USP20: variants seen among roughly 807,000 people sequenced by gnomAD.
The protein encoded by USP20 is ubiquitin carboxyl-terminal hydrolase 20.
In USP20, 80 loss-of-function variants were observed where a neutral mutation model predicts 124.2. The observed-to-expected ratio is 0.64, with a 90% CI of 0.54 to 0.78. USP20 has a LOEUF of 0.78. USP20 is among the 30% of genes least tolerant of loss of function. The pLI is 0.00. For missense variants in USP20, 1,043 were observed against 1,244.4 expected (o/e 0.84, Z 2.44); for synonymous variants, 481 against 512.3 (o/e 0.94, Z 0.83).
intron 1 of USP20, among the ~76,000 whole-genome samples, chr9:129,846,780 C>T (rs940189428): frequency 2.6e-5 from 4 of 151,880 alleles, no homozygotes; most frequent in Admixed American, 6.6e-5. Flanking sequence ...GCTCCCGCCA[C>T]CACGCCCGGC....
intron 8 of USP20, among the ~76,000 whole-genome samples, chr9:129,862,809 G>A (rs923123566): frequency 8.6e-5 from 13 of 151,824 alleles, no homozygotes; most frequent in Admixed American, 1.3e-4. Flanking sequence ...GGGAGGCTAA[G>A]GCAGGAGAAG....
intron 4 of USP20, 27 bp from the exon 5 acceptor site, chr9:129,858,023 G>C (rs1373052592): frequency 6.2e-7 from 1 of 1,608,000 alleles, no homozygotes; most frequent in Non-Finnish European, 8.5e-7. Context: ...GCAAGCTCCA[G>C]TCCACTCTCC....
chr9:129,848,772 G>T (rs73672511), intron 1 of USP20, among the ~76,000 whole-genome samples: 21,059 of 152,166 alleles, frequency 0.14, 1,528 homozygotes, highest in South Asian at 0.15. Context: ...GCTTAAAATA[G>T]TGTAAGACTA....
chr9:129,864,608 T>C (rs2033730930), intron 9 of USP20, among the ~76,000 whole-genome samples: 2 of 151,816 alleles, frequency 1.3e-5, no homozygotes, highest in Admixed American at 6.6e-5. Context: ...ACCCCGTCTC[T>C]ACTAAAAATA....
chr9:129,841,945 A>G (rs1362679083), intron 1 of USP20, among the ~76,000 whole-genome samples: 1 of 152,142 alleles, frequency 6.6e-6, no homozygotes, highest in Admixed American at 6.5e-5. Flanking sequence ...GACCTTGAGC[A>G]TGTGACTTCT....
chr9:129,857,892 C>A (rs1039921019), intron 4 of USP20, among the ~76,000 whole-genome samples, 158 bp from the exon 5 acceptor site: 7 of 152,224 alleles, frequency 4.6e-5, no homozygotes, highest in Non-Finnish European at 8.8e-5. Context: ...GTGTACAGAC[C>A]TACAGACCCG....
rs1269627582 is a variant in USP20, at chr9:129,874,586, T to G, written c.1751T>G (p.Ile584Ser). ...KVLRLPEILC[I>S]HLKRFRHEVM... ...TCTCTGTCCCCGCAGATCCTGTGCA[T>G]TCACCTAAAGCGCTTTCGGCACGAG... Residue 584 changes from isoleucine (I) to serine (S), a missense_variant, in exon 18 of 26, where the codon ATT (isoleucine) becomes AGT (serine). Transcript: ENST00000372429. The G allele has an allele frequency of 6.2e-7, 1 of 1,613,662 alleles. No individual in the cohort carries two copies. The highest frequency in any genetic ancestry group is 8.5e-7 in the Non-Finnish European group (1 of 1,179,990).
intron 10 of USP20, among the ~76,000 whole-genome samples, chr9:129,867,203 G>A (rs1446374845): frequency 1.3e-5 from 2 of 152,178 alleles, no homozygotes; most frequent in East Asian, 1.9e-4. Context: ...GCTGGGGTCT[G>A]CTGCCACCAC....
chr9:129,836,954 G>A (rs1049767180), intron 1 of USP20, among the ~76,000 whole-genome samples: 3 of 151,130 alleles, frequency 2.0e-5, no homozygotes, highest in Non-Finnish European at 4.4e-5. Flanking sequence ...CCACCAGGGG[G>A]TACTGGACAC....
intron 1 of USP20, among the ~76,000 whole-genome samples, chr9:129,846,650 T>G (rs111903950): frequency 0.14 from 21,022 of 149,142 alleles, 1,956 homozygotes; most frequent in African/African-American, 0.25. Context: ...TAAGATGGAG[T>G]TTTGCTCTTG....
intron 1 of USP20, among the ~76,000 whole-genome samples, chr9:129,843,829 C>G (rs988240403): frequency 2.6e-5 from 4 of 152,014 alleles, no homozygotes; most frequent in Non-Finnish European, 5.9e-5. Flanking sequence ...TTTGGGAGTC[C>G]AAGGCAGGCA....
intron 14 of USP20, chr9:129,870,124 G>T (rs1227401382): frequency 7.0e-6 from 4 of 571,732 alleles, no homozygotes; most frequent in Non-Finnish European, 9.3e-6. Context: ...CAGGACACAG[G>T]CCTGGTTGGC....
Position 129,881,546 on chromosome 9 carries a change from T to C in USP20, c.*1096T>C, listed in dbSNP as rs1417798456. On this transcript the variant is annotated 3_prime_UTR_variant, in exon 26 of 26. Coordinates refer to ENST00000372429, the MANE Select transcript of USP20 (RefSeq NM_001110303.4). The stretch of plus-strand genomic sequence containing the variant: ...ACTACTGCGTCTTTGTTTCTATCAG[T>C]CTTTGTAGAAGCAGGTGGTGGTGGA... 1 of 152,296 alleles carries C rather than the reference T, an allele frequency of 6.6e-6. No individual in the cohort carries two copies. Among genetic ancestry groups the C allele is most frequent in the Admixed American group, 6.5e-5 (1 of 15,288 alleles). The allele number at this position is 152,296 out of a possible 1,614,324, so 9.4% of individuals were successfully genotyped here.
intron 5 of USP20, 28 bp from the exon 6 acceptor site, chr9:129,858,439 G>A (rs1418085795): frequency 6.2e-7 from 1 of 1,613,954 alleles, no homozygotes; most frequent in Admixed American, 1.7e-5. Context: ...AGAGTGCCCT[G>A]GACCTTGTTT....
At chr9:129,846,176 G>A (rs539429576) in intron 1 of USP20, among the ~76,000 whole-genome samples, 7 of 142,958 alleles carry the variant, frequency 4.9e-5, no homozygotes, top group Admixed American at 1.5e-4. Context: ...TGGTCCTCCC[G>A]CCTCGGCCTC....
chr9:129,868,984 T>C lies in USP20; in HGVS notation c.1258T>C (p.Ser420Pro), dbSNP rs200754963. 1.2e-6 allele frequency: 2 copies of C among 1,610,214 alleles called. No homozygotes were observed. The highest frequency in any genetic ancestry group is 2.7e-5 in the African/African-American group (2 of 74,946). Residue 420 changes from serine (S) to proline (P), a missense_variant, in exon 12 of 26, where the codon TCG (serine) becomes CCG (proline). Transcript: ENST00000372429. The stretch of plus-strand genomic sequence containing the variant: ...TGCAAGCCCCGTGAGGATGGCACCG[T>C]CGTACGTGCTCAAGAAAGGTTCGGG... ...PRASPVRMAP[S>P]YVLKKAQVLS...
chr9:129,862,671 C>T (rs529229467), intron 8 of USP20, among the ~76,000 whole-genome samples: 1 of 152,202 alleles, frequency 6.6e-6, no homozygotes, highest in Non-Finnish European at 1.5e-5. Context: ...TTTGGGAGGT[C>T]AAGGCAAGTG....
At chr9:129,869,267 C>T in intron 12 of USP20, 43 bp from the exon 13 acceptor site, 1 of 1,575,488 alleles carries the variant, frequency 6.3e-7, no homozygotes, top group South Asian at 1.1e-5. Context: ...CTCGCCCCGG[C>T]CAGGCAGGTG....
Position 129,874,891 on chromosome 9 carries a change from C to A in USP20, c.1984C>A (p.Gln662Lys), listed in dbSNP as rs569475213. The A allele has an allele frequency of 1.2e-6, 2 of 1,614,108 alleles. No individual in the cohort carries two copies. Among genetic ancestry groups the A allele is most frequent in the Non-Finnish European group, 1.7e-6 (2 of 1,180,036 alleles). ...INGQWYEFDD[Q>K]YVTEVHETVV... ...TGGGCAGTGGTACGAGTTTGATGAC[C>A]AGTACGTCACAGAAGTCCACGAGAC... Residue 662 changes from glutamine to lysine, a missense_variant, in exon 19 of 26, where the codon CAG (glutamine) becomes AAG (lysine). Coordinates refer to ENST00000372429, the MANE Select transcript of USP20 (RefSeq NM_001110303.4).
Sources: gnomAD v4.1 joint callset for allele counts (sites outside exome capture counted in the v4.1 genomes callset) on GRCh38, gnomAD v4.1.1 for gene constraint, MANE v1.5 for transcripts, NCBI Gene and HGNC (gene_info 2026-07-23, HGNC 2026-07-21) for gene names.